Variants in THBS4 observed in about 807,000 individuals in gnomAD.
The protein encoded by THBS4 is thrombospondin-4.
THBS4 carries 90 observed loss-of-function variants against 115.7 expected under a neutral mutation model. The ratio of observed to expected loss-of-function variants is 0.78; its 90% CI spans 0.66 to 0.93. THBS4 has a LOEUF of 0.93. THBS4 is among the 40% of genes least tolerant of loss of function. The probability of loss-of-function intolerance (pLI) is 0.00; values close to 1 mark genes in which losing one functional copy is unlikely to be tolerated. For synonymous variants in THBS4, 460 were observed against 479.3 expected (o/e 0.96, Z 0.53); for missense variants, 1,087 against 1,232.7 (o/e 0.88, Z 1.77).
chr5:80,030,150 C>G (rs2112003775), intron 2 of THBS4, among the ~76,000 whole-genome samples: 1 of 152,106 alleles, frequency 6.6e-6, no homozygotes, highest in East Asian at 1.9e-4. Flanking sequence ...TTTCCCAGTG[C>G]TAGAGTATAA....
In THBS4 at chr5:80,040,267, A is replaced by G. The variant is rs1448320742; in HGVS notation, c.279A>G (p.Gly93=). 1 of 1,613,302 alleles carries G rather than the reference A, an allele frequency of 6.2e-7. No individual in the cohort carries two copies. The highest frequency in any genetic ancestry group is 8.5e-7 in the Non-Finnish European group (1 of 1,179,544). Residue 93 remains glycine (G), a synonymous_variant, in exon 2 of 22, where the codon GGA becomes GGG. Transcript: ENST00000350881. ...AATATTTTGAATTTACTGTGATGGG[A>G]CGCTTAAACAAAGGTAAGCAAATTT... ...NSKYFEFTVM[G]RLNKAILRYL...
Position 80,068,236 on chromosome 5 carries a change from C to T in THBS4, c.1347+111C>T. The T allele has an allele frequency of 2.3e-6, 3 of 1,329,370 alleles. No individual in the cohort carries two copies. The East Asian group carries it at 7.0e-5, about 31-fold the overall frequency. 82.3% of individuals were successfully genotyped at this position (1,329,370 alleles called of 1,614,324 possible). ...AAAGTACTCCAAAATGAAAGCATTG[C>T]AATTAAATGAGCATGGAGTGTAATA... On this transcript the variant is annotated intron_variant, in intron 10 of 21. Coordinates refer to ENST00000350881, the MANE Select transcript of THBS4 (RefSeq NM_003248.6).
Position 80,076,957 on chromosome 5 carries a change from T to C in THBS4, c.1995T>C (p.Asp665=). The change falls in exon 16 of 22, where the codon GAT becomes GAC. Residue 665 remains aspartate (D), a synonymous_variant. Transcript: ENST00000350881. ...ATGGAATTGGTGACGAGTGTGATGA[T>C]GATGATGACAATGATGGTATCCCAG... The part of the protein sequence containing the change: ...DKDGIGDECD[D]DDDNDGIPDL... 1.9e-6 allele frequency: 3 copies of C among 1,613,818 alleles called. No individual in the cohort carries two copies. The highest frequency in any genetic ancestry group is 1.7e-5 in the Admixed American group (1 of 60,010).
intron 2 of THBS4, among the ~76,000 whole-genome samples, chr5:80,044,388 C>A (rs988371486): frequency 2.6e-5 from 4 of 151,792 alleles, no homozygotes; most frequent in Admixed American, 6.6e-5. Context: ...TCTGGGATTC[C>A]ACAATATCTG....
At chr5:80,058,399 G>T in intron 4 of THBS4, 85 bp downstream of exon 4, 2 of 1,002,976 alleles carry the variant, frequency 2.0e-6, no homozygotes, top group South Asian at 2.9e-5. Flanking sequence ...ACCGAAAAGT[G>T]GGACTGTCAA....
intron 1 of THBS4, among the ~76,000 whole-genome samples, chr5:79,997,875 T>G (rs1161660602): frequency 6.6e-6 from 1 of 152,114 alleles, no homozygotes; most frequent in Non-Finnish European, 1.5e-5. Context: ...ACTTGGAAAT[T>G]AACATACTTC....
chr5:80,019,826 C>A (rs114135451), intron 2 of THBS4: 28 of 165,148 alleles, frequency 1.7e-4, no homozygotes, highest in Middle Eastern at 2.4e-3. Flanking sequence ...AGCCTGTAAC[C>A]GTGCTTTTCA....
Position 80,066,288 on chromosome 5 carries a change from C to G in THBS4, c.1194+811C>G, listed in dbSNP as rs1037835985. The stretch of plus-strand genomic sequence containing the variant: ...AAAGAACTACTGATTACGTGTATGA[C>G]TATTTGAAAGTTATCCAGCCTCTAG... On this transcript the variant is annotated intron_variant, in intron 9 of 21. Coordinates refer to ENST00000350881, the MANE Select transcript of THBS4 (RefSeq NM_003248.6). 2.0e-4 allele frequency: 30 copies of G among 152,130 alleles called. 1 individual carries two copies. Among genetic ancestry groups the G allele is most frequent in the Admixed American group, 2.0e-3 (30 of 15,282 alleles). The allele number at this position is 152,130 out of a possible 1,614,324, so 9.4% of individuals were successfully genotyped here.
Position 80,070,687 on chromosome 5 carries a change from C to T in THBS4, c.1497C>T (p.Asp499=). The change falls in exon 12 of 22, where the codon GAC becomes GAT. Residue 499 remains aspartate, a synonymous_variant. Transcript: ENST00000350881. The part of the protein sequence containing the change: ...YVPNSGQEDA[D]RDGIGDACDE... ...CAAATTCTGGCCAAGAAGATGCAGA[C>T]AGAGATGGCATTGGCGACGCTTGTG... is the stretch of plus-strand genomic sequence containing the variant. 6.2e-7 allele frequency: 1 copy of T among 1,614,152 alleles called. No homozygotes were observed. Among genetic ancestry groups the T allele is most frequent in the Non-Finnish European group, 8.5e-7 (1 of 1,180,026 alleles).
chr5:80,000,360 A>G (rs1320824476), intron 2 of THBS4, among the ~76,000 whole-genome samples: 5 of 152,134 alleles, frequency 3.3e-5, no homozygotes, highest in Non-Finnish European at 7.4e-5. Flanking sequence ...TTTGCTTTTG[A>G]CCACAAAGTC....
At chr5:80,059,937 C>G in intron 7 of THBS4, 32 bp downstream of exon 7, 1 of 1,588,260 alleles carries the variant, frequency 6.3e-7, no homozygotes. Context: ...GAGGGGATCC[C>G]TAAGTATCCT....
rs995327758 is a variant in THBS4 at position 80,035,816 on chromosome 5, C to T, written c.88+191C>T. Among the ~76,000 whole-genome samples, 9 of 152,190 alleles carry T rather than the reference C, an allele frequency of 5.9e-5. No homozygotes were observed. The highest frequency in any genetic ancestry group is 2.2e-4 in the African/African-American group (9 of 41,464). ...CTAGAATTTTCCGAAATTCGATTAT[C>T]CAATGATGAGAACAATTGCCTAAAT... is the stretch of plus-strand genomic sequence containing the variant. On this transcript the variant is annotated intron_variant, in intron 1 of 21. Coordinates refer to ENST00000350881, the MANE Select transcript of THBS4 (RefSeq NM_003248.6). This position sits in a 1 kb window ranked among gnomAD's most constrained non-coding sequence, Gnocchi z 4.6.
rs188345086 is a variant in THBS4, at chr5:80,078,108, A to G, written c.2146A>G (p.Ile716Val). The G allele has an allele frequency of 1.3e-4, 203 of 1,611,294 alleles. 1 individual carries two copies. The East Asian group carries it at 4.5e-3, about 36-fold the overall frequency. ...TGACCAGGACCAGGTCATCGATCGG[A>G]TCGACGTCTGCCCAGAGAACGCAGA... ...DFDQDQVIDR[I>V]DVCPENAEVT... The change falls in exon 17 of 22, where the codon ATC becomes GTC. Residue 716 changes from isoleucine to valine, a missense_variant. Ile to Val is a conservative substitution (Grantham distance 29). Transcript: ENST00000350881.
chr5:80,033,695 A>G (rs898222471), upstream of THBS4, among the ~76,000 whole-genome samples: 6 of 152,238 alleles, frequency 3.9e-5, no homozygotes, highest in African/African-American at 1.4e-4. Flanking sequence ...CACACTACAC[A>G]AGAACTCTCA....
At chr5:80,034,276 T>C (rs1832643598), upstream of THBS4, among the ~76,000 whole-genome samples, 1 of 152,192 alleles carries the variant, frequency 6.6e-6, no homozygotes, top group South Asian at 2.1e-4. Flanking sequence ...TCCAAGTCGC[T>C]AGCTGTAAAT....
chr5:80,067,613 C>T, intron 9 of THBS4: 1 of 167,354 alleles, frequency 6.0e-6, no homozygotes, highest in Non-Finnish European at 1.3e-5. Context: ...CAGATCATCT[C>T]CCTGTCCCCA....
At chr5:80,034,493 G>T (rs1832648818), upstream of THBS4, among the ~76,000 whole-genome samples, 1 of 152,180 alleles carries the variant, frequency 6.6e-6, no homozygotes, top group Admixed American at 6.5e-5. Context: ...TTTTCCTCTA[G>T]TTAATCCATA....
chr5:80,015,665 C>T (rs1832231906), intron 2 of THBS4, among the ~76,000 whole-genome samples: 1 of 152,054 alleles, frequency 6.6e-6, no homozygotes. Flanking sequence ...GGAGAAGGTC[C>T]CTGGGGAAGG....
chr5:80,016,093 G>A (rs1389113856), intron 2 of THBS4, among the ~76,000 whole-genome samples: 1 of 152,152 alleles, frequency 6.6e-6, no homozygotes, highest in Non-Finnish European at 1.5e-5. Flanking sequence ...CGCATCTACT[G>A]CCAGACTTTG....
Sources: allele counts gnomAD v4.1 joint callset (sites outside exome capture counted in the v4.1 genomes callset), GRCh38; gene constraint gnomAD v4.1.1; non-coding constraint Gnocchi (gnomAD v3.1); transcripts MANE v1.5; gene names NCBI Gene and HGNC (gene_info 2026-07-23, HGNC 2026-07-21).